KCNIP4: variants seen among roughly 807,000 people sequenced by gnomAD.
KCNIP4 encodes potassium voltage-gated channel interacting protein 4.
A neutral mutation model predicts 34.0 loss-of-function variants in KCNIP4; 12 were observed. The ratio of observed to expected loss-of-function variants is 0.35; its 90% CI spans 0.23 to 0.57. KCNIP4 has a LOEUF of 0.57. KCNIP4 is among the 20% of genes least tolerant of loss of function. The pLI is 0.83. For synonymous variants in KCNIP4, 124 were observed against 102.2 expected, an observed-to-expected ratio of 1.21 and a Z score of -1.29; for missense variants, 238 against 311.7, an observed-to-expected ratio of 0.76 and a Z score of 1.78.
intron 2 of KCNIP4, 147 bp downstream of exon 2, chr4:20,882,461 T>C (rs1253388303): frequency 3.2e-6 from 2 of 634,478 alleles, no homozygotes; most frequent in Non-Finnish European, 5.5e-6. Context: ...CCAAATGTTC[T>C]CCTGGGTATT....
intron 1 of KCNIP4, among the ~76,000 whole-genome samples, chr4:21,216,384 A>C (rs1757578104): frequency 6.6e-6 from 1 of 152,170 alleles, no homozygotes; most frequent in South Asian, 2.1e-4. Context: ...ATATTTCCTA[A>C]ACACTAACTA....
At chr4:21,491,745 GGTTT>G (rs754381677) in intron 1 of KCNIP4, among the ~76,000 whole-genome samples, 2 of 152,096 alleles carry the variant, frequency 1.3e-5, no homozygotes, top group Non-Finnish European at 2.9e-5. Flanking sequence ...TACATTTTAA[GGTTT>G]GTTTGTTTTA....
intron 1 of KCNIP4, among the ~76,000 whole-genome samples, chr4:21,894,698 T>C (rs1186956574): frequency 1.3e-5 from 2 of 152,086 alleles, no homozygotes; most frequent in East Asian, 3.9e-4. Flanking sequence ...TAAATAAAAG[T>C]TTGGTACTGT....
At chr4:20,834,180 T>C (rs117085143) in intron 3 of KCNIP4, among the ~76,000 whole-genome samples, 2 of 152,124 alleles carry the variant, frequency 1.3e-5, no homozygotes, top group East Asian at 1.9e-4. Flanking sequence ...TTGGTAAGAG[T>C]TGGGATTAGC....
chr4:21,807,453 G>T (rs1377646191), intron 1 of KCNIP4, among the ~76,000 whole-genome samples: 3 of 152,190 alleles, frequency 2.0e-5, no homozygotes, highest in Non-Finnish European at 4.4e-5. Flanking sequence ...AGGATGAGGG[G>T]TCACTCAATC....
At chr4:21,098,914 T>A (rs1747693925) in intron 1 of KCNIP4, among the ~76,000 whole-genome samples, 2 of 151,958 alleles carry the variant, frequency 1.3e-5, no homozygotes, top group African/African-American at 4.8e-5. Context: ...AAAACCACAA[T>A]GAGATACCAT....
chr4:21,000,951 C>T (rs1487801929), intron 1 of KCNIP4, among the ~76,000 whole-genome samples: 1 of 152,150 alleles, frequency 6.6e-6, no homozygotes, highest in East Asian at 1.9e-4. Context: ...TCTTCCAAAC[C>T]CTTTTATACT....
chr4:21,554,622 A>T lies in KCNIP4; in HGVS notation c.61+393949T>A, dbSNP rs544839514. 5.5e-4 allele frequency among the ~76,000 whole-genome samples: 84 copies of T among 152,070 alleles called. 1 individual carries two copies. Among genetic ancestry groups the T allele is most frequent in the Non-Finnish European group, 1.1e-3 (73 of 67,964 alleles). On this transcript the variant is annotated intron_variant, in intron 1 of 8. Coordinates refer to ENST00000382152, the MANE Select transcript of KCNIP4 (RefSeq NM_025221.6). ...AACATGTCACGAGTTTGCAGAAACA[A>T]TTCCTTCTGCCTGCATGCCCTTCCC...
intron 1 of KCNIP4, among the ~76,000 whole-genome samples, chr4:21,924,243 CTTTT>C (rs67541105): frequency 3.7e-5 from 4 of 107,552 alleles, no homozygotes; most frequent in East Asian, 2.4e-4. Flanking sequence ...GAATATATTT[CTTTT>C]TTTTTTTTTT....
At chr4:21,167,071 T>A (rs1205798193) in intron 1 of KCNIP4, among the ~76,000 whole-genome samples, 1 of 149,490 alleles carries the variant, frequency 6.7e-6, no homozygotes, top group African/African-American at 2.5e-5. Context: ...CAGCAAAACA[T>A]CTCAAAATAA....
intron 1 of KCNIP4, among the ~76,000 whole-genome samples, chr4:21,494,773 T>TAAAAA (rs34162922): frequency 4.7e-4 from 52 of 111,752 alleles, no homozygotes; most frequent in African/African-American, 1.6e-3. Context: ...TCAGACTGTG[T>TAAAAA]AAAAAAAAAA....
intron 1 of KCNIP4, among the ~76,000 whole-genome samples, chr4:21,400,844 A>G (rs2109552630): frequency 6.6e-6 from 1 of 152,254 alleles, no homozygotes; most frequent in South Asian, 2.1e-4. Context: ...AACTGGTGAT[A>G]GTTGCAGATC....
intron 1 of KCNIP4, among the ~76,000 whole-genome samples, chr4:21,079,348 T>C (rs923131208): frequency 1.2e-4 from 18 of 152,172 alleles, no homozygotes; most frequent in Non-Finnish European, 2.5e-4. Flanking sequence ...GTGGAGATTA[T>C]ATATTTAAAA....
chr4:20,751,656 T>C (rs575648133), intron 4 of KCNIP4, among the ~76,000 whole-genome samples: 2 of 152,316 alleles, frequency 1.3e-5, no homozygotes, highest in African/African-American at 4.8e-5. Context: ...TCACCATAAA[T>C]AATGGCTCAA....
chr4:21,929,600 G>A (rs1260051400), intron 1 of KCNIP4, among the ~76,000 whole-genome samples: 2 of 151,936 alleles, frequency 1.3e-5, no homozygotes, highest in Admixed American at 1.3e-4. Flanking sequence ...AACTTTTCCT[G>A]CTAAACAAAA....
At chr4:21,275,172 G>C (rs1762370750) in intron 1 of KCNIP4, among the ~76,000 whole-genome samples, 1 of 152,170 alleles carries the variant, frequency 6.6e-6, no homozygotes, top group Non-Finnish European at 1.5e-5. Flanking sequence ...TTTATCTTTA[G>C]AGATGAAGAC....
At chr4:21,675,657 T>TTTAGA (rs1436458634) in intron 1 of KCNIP4, among the ~76,000 whole-genome samples, 8 of 152,188 alleles carry the variant, frequency 5.3e-5, no homozygotes, top group African/African-American at 1.7e-4. Flanking sequence ...AATTTCAATT[T>TTTAGA]ACCACCTTGC....
intron 1 of KCNIP4, among the ~76,000 whole-genome samples, chr4:21,376,398 A>ATT (rs200249883): frequency 3.4e-4 from 11 of 32,554 alleles, no homozygotes; most frequent in African/African-American, 1.0e-3. Flanking sequence ...GCCATAAAGC[A>ATT]TTGCCAGCCC....
At chr4:21,144,830 A>T (rs1752233877) in intron 1 of KCNIP4, among the ~76,000 whole-genome samples, 1 of 152,112 alleles carries the variant, frequency 6.6e-6, no homozygotes, top group African/African-American at 2.4e-5. Context: ...TTCAGCATCT[A>T]CCATCTCTTG....
Sources: gnomAD v4.1 joint callset for allele counts (sites outside exome capture counted in the v4.1 genomes callset) on GRCh38, gnomAD v4.1.1 for gene constraint, MANE v1.5 for transcripts, NCBI Gene and HGNC (gene_info 2026-07-23, HGNC 2026-07-21) for gene names.